Variants in POU2AF3 observed in about 807,000 individuals in gnomAD.
POU2AF3 encodes the protein POU class 2 homeobox associating factor 3, also known as cancer susceptibility candidate 13.
At chr11:111,301,191 A>G in the POU2AF3 span, among the ~76,000 whole-genome samples, 6 of 152,200 alleles carry the variant, frequency 3.9e-5, no homozygotes, top group Non-Finnish European at 5.9e-5. Context: ...AAATGTATCA[A>G]CACCTTAAGC....
At chr11:111,300,561 G>T in the POU2AF3 span, 1 of 1,232,090 alleles carries the variant, frequency 8.1e-7, no homozygotes, top group South Asian at 4.1e-5. Context: ...TCCGAGTGAA[G>T]ATCACAGTGA....
At chr11:111,300,783 C>T in the POU2AF3 span, among the ~76,000 whole-genome samples, 1 of 152,230 alleles carries the variant, frequency 6.6e-6, no homozygotes, top group East Asian at 1.9e-4. Flanking sequence ...GCATCCCAAT[C>T]GGGAAGCTAC....
the POU2AF3 span, chr11:111,298,826 G>GCGGGGGGGGGCCCCCC: frequency 3.8e-6 from 3 of 790,962 alleles, no homozygotes; most frequent in Non-Finnish European, 5.1e-6. Context: ...CGTACCCCAG[G>GCGGGGGGGGGCCCCCC]CCCCCGCCCG....
chr11:111,299,545 G>A, the POU2AF3 span: 14 of 1,196,168 alleles, frequency 1.2e-5, no homozygotes, highest in African/African-American at 1.6e-5. Context: ...CACCTCCCGC[G>A]AGCCGGGGCA....
At chr11:111,308,655 G>T in the POU2AF3 span, 1 of 393,198 alleles carries the variant, frequency 2.5e-6, no homozygotes, top group Non-Finnish European at 4.4e-6. Context: ...ATTTTTGTAG[G>T]AAACTTTCAA....
chr11:111,299,302 C>A, the POU2AF3 span: 1 of 987,278 alleles, frequency 1.0e-6, no homozygotes, highest in Non-Finnish European at 1.2e-6. Context: ...GCCGCCGCAC[C>A]CAGCGCACTT....
chr11:111,299,779 G>T, the POU2AF3 span: 76 of 1,174,914 alleles, frequency 6.5e-5, no homozygotes, highest in Non-Finnish European at 8.0e-5. Context: ...GGAGGGAGGA[G>T]GGCAAGATGG....
chr11:111,306,341 T>A, the POU2AF3 span: 2 of 1,045,670 alleles, frequency 1.9e-6, no homozygotes, highest in East Asian at 5.5e-5. Flanking sequence ...TCCATTCAAA[T>A]CTGTGTTTTG....
the POU2AF3 span, chr11:111,299,799 A>G: frequency 1.8e-6 from 2 of 1,106,770 alleles, no homozygotes; most frequent in Non-Finnish European, 2.3e-6. Flanking sequence ...GAGCGCGGAA[A>G]AGGCGGAGAA....
chr11:111,304,480 A>G, the POU2AF3 span, among the ~76,000 whole-genome samples: 2 of 152,132 alleles, frequency 1.3e-5, no homozygotes, highest in African/African-American at 2.4e-5. Flanking sequence ...TGATATTAGG[A>G]AAAAAACTCC....
At chr11:111,298,827 C>CG in the POU2AF3 span, 2 of 631,564 alleles carry the variant, frequency 3.2e-6, no homozygotes, top group Non-Finnish European at 4.5e-6. Flanking sequence ...GTACCCCAGG[C>CG]CCCCGCCCGC....
At chr11:111,299,419 C>T in the POU2AF3 span, 7 of 1,019,322 alleles carry the variant, frequency 6.9e-6, no homozygotes, top group East Asian at 4.3e-4. Flanking sequence ...CTCGGCTTGG[C>T]CTAACAGCCA....
the POU2AF3 span, chr11:111,304,892 T>C: frequency 8.3e-7 from 1 of 1,206,860 alleles, no homozygotes; most frequent in Non-Finnish European, 1.0e-6. Context: ...AGCATTTCTT[T>C]CAGCCTGCTT....
chr11:111,304,721 A>C, the POU2AF3 span: 2 of 383,904 alleles, frequency 5.2e-6, no homozygotes, highest in African/African-American at 4.1e-5. Context: ...ATTTGTTGAC[A>C]CTTTCCCTTT....
At chr11:111,300,598 C>T in the POU2AF3 span, 6 of 1,231,992 alleles carry the variant, frequency 4.9e-6, no homozygotes, top group Non-Finnish European at 5.1e-6. Flanking sequence ...AAGACGGGCA[C>T]ACCAGGCGGC....
At chr11:111,304,058 A>G in the POU2AF3 span, among the ~76,000 whole-genome samples, 1 of 152,372 alleles carries the variant, frequency 6.6e-6, no homozygotes, top group East Asian at 1.9e-4. Context: ...AGTACAAAAC[A>G]TACAAAGTAC....
the POU2AF3 span, chr11:111,300,221 T>A: frequency 3.1e-6 from 1 of 320,200 alleles, no homozygotes; most frequent in South Asian, 1.6e-4. Context: ...GCTGCACTGG[T>A]CTCCATATTC....
the POU2AF3 span, chr11:111,299,812 G>A: frequency 2.0e-6 from 2 of 1,008,802 alleles, no homozygotes; most frequent in Non-Finnish European, 2.6e-6. Context: ...GCGGAGAAAA[G>A]GGACGAGGGA....
the POU2AF3 span, chr11:111,298,843 C>CCCCCAAAAAAA: frequency 8.4e-7 from 1 of 1,187,158 alleles, no homozygotes; most frequent in Non-Finnish European, 1.0e-6. Context: ...CCCGCCCTCC[C>CCCCCAAAAAAA]ACGTATCCAC....
Sources: allele counts gnomAD v4.1 joint callset (sites outside exome capture counted in the v4.1 genomes callset), GRCh38; gene constraint gnomAD v4.1.1; transcripts MANE v1.5; gene names NCBI Gene and HGNC (gene_info 2026-07-23, HGNC 2026-07-21).